Variants in PROS1 observed in about 807,000 individuals in gnomAD.
The protein encoded by PROS1 is vitamin K-dependent protein S.
Under a neutral mutation model 75.9 loss-of-function variants are expected in PROS1, and 29 were observed. The ratio of observed to expected loss-of-function variants is 0.38; its 90% CI spans 0.28 to 0.52. PROS1 has a LOEUF of 0.52. Ranked by LOEUF, PROS1 falls within the 20% of genes least tolerant of loss-of-function variation. The probability of loss-of-function intolerance (pLI) is 0.83; values close to 1 mark genes in which losing one functional copy is unlikely to be tolerated. For missense variants in PROS1, 680 were observed against 810.3 expected (o/e 0.84, Z 1.95); for synonymous variants, 245 against 280.6 (o/e 0.87, Z 1.27).
intron 1 of PROS1, among the ~76,000 whole-genome samples, chr3:93,941,387 C>G (rs563930635): frequency 6.6e-6 from 1 of 152,310 alleles, no homozygotes; most frequent in Non-Finnish European, 1.5e-5. Flanking sequence ...CCCTGCTGAT[C>G]ATGACCAACT....
At chr3:93,965,344 C>T (rs1236687551) in intron 1 of PROS1, among the ~76,000 whole-genome samples, 1 of 152,204 alleles carries the variant, frequency 6.6e-6, no homozygotes, top group African/African-American at 2.4e-5. Flanking sequence ...GAAGGGTGTC[C>T]GCTGTGCTCC....
At chr3:93,907,840 T>G (rs1395206880) in intron 4 of PROS1, among the ~76,000 whole-genome samples, 1 of 152,174 alleles carries the variant, frequency 6.6e-6, no homozygotes, top group Non-Finnish European at 1.5e-5. Flanking sequence ...TTCCATGAGG[T>G]AGACAGAACA....
At chr3:93,922,733 A>G (rs931751097) in intron 3 of PROS1, among the ~76,000 whole-genome samples, 3 of 152,222 alleles carry the variant, frequency 2.0e-5, no homozygotes, top group Non-Finnish European at 4.4e-5. Flanking sequence ...TATAGAATAT[A>G]CACATCAAAT....
chr3:93,958,029 A>C (rs1283523053), intron 1 of PROS1, among the ~76,000 whole-genome samples: 1 of 152,126 alleles, frequency 6.6e-6, no homozygotes, highest in East Asian at 1.9e-4. Flanking sequence ...CGGAGGTTGC[A>C]GTGAGCCGAG....
At chr3:93,934,948 A>G (rs1194665695) in intron 1 of PROS1, among the ~76,000 whole-genome samples, 2 of 152,058 alleles carry the variant, frequency 1.3e-5, no homozygotes, top group South Asian at 4.2e-4. Context: ...AAAAAAAAAA[A>G]GTCACTCTGG....
intron 3 of PROS1, 63 bp from the exon 4 acceptor site, chr3:93,910,768 G>A: frequency 3.7e-6 from 5 of 1,353,438 alleles, no homozygotes; most frequent in South Asian, 2.5e-5. Context: ...TGAATTCATG[G>A]TAGGAACTGT....
chr3:93,889,648 G>A (rs1293157736), intron 10 of PROS1, among the ~76,000 whole-genome samples: 2 of 152,134 alleles, frequency 1.3e-5, no homozygotes, highest in Middle Eastern at 3.2e-3. Context: ...TGGAGGGACT[G>A]GATGGAGCCA....
chr3:93,875,039 A>G (rs2107120888), intron 14 of PROS1, among the ~76,000 whole-genome samples: 1 of 152,034 alleles, frequency 6.6e-6, no homozygotes, highest in East Asian at 1.9e-4. Context: ...CTTATTCTTC[A>G]TCTTCAGTAC....
At chr3:93,936,129 G>T (rs1709179616) in intron 1 of PROS1, among the ~76,000 whole-genome samples, 2 of 149,498 alleles carry the variant, frequency 1.3e-5, no homozygotes, top group African/African-American at 4.9e-5. Flanking sequence ...ATATGTTGAA[G>T]CCCTAACACC....
intron 1 of PROS1, among the ~76,000 whole-genome samples, chr3:93,967,531 C>T (rs1381717349): frequency 2.6e-5 from 4 of 152,204 alleles, no homozygotes; most frequent in Non-Finnish European, 4.4e-5. Flanking sequence ...TAAGACACAA[C>T]ACTATCTTTC....
At chr3:93,927,206 G>C in intron 2 of PROS1, 44 bp downstream of exon 2, 2 of 1,608,922 alleles carry the variant, frequency 1.2e-6, no homozygotes, top group Non-Finnish European at 1.7e-6. Flanking sequence ...GTCTGTAGTT[G>C]TATGTCTAGA....
At chr3:93,928,990 G>A (rs1246677488) in intron 1 of PROS1, among the ~76,000 whole-genome samples, 2 of 152,150 alleles carry the variant, frequency 1.3e-5, no homozygotes, top group Non-Finnish European at 2.9e-5. Flanking sequence ...CTTGTACACT[G>A]GTAGTGGAGC....
intron 12 of PROS1, among the ~76,000 whole-genome samples, chr3:93,882,626 A>C (rs1186907248): frequency 6.6e-6 from 1 of 152,220 alleles, no homozygotes; most frequent in African/African-American, 2.4e-5. Flanking sequence ...AATTTAGGTA[A>C]AGATTTAAAC....
intron 10 of PROS1, among the ~76,000 whole-genome samples, chr3:93,886,801 C>T (rs1216935863): frequency 1.3e-5 from 2 of 151,800 alleles, no homozygotes; most frequent in Admixed American, 6.6e-5. Flanking sequence ...TTCCAGGCTG[C>T]TAGAAAATTA....
At chr3:93,913,022 A>T (rs927286044) in intron 3 of PROS1, among the ~76,000 whole-genome samples, 3 of 152,208 alleles carry the variant, frequency 2.0e-5, no homozygotes, top group Non-Finnish European at 4.4e-5. Flanking sequence ...CCCCACCGAA[A>T]AATCTCATCT....
chr3:93,956,763 C>T (rs1709610079), intron 1 of PROS1, among the ~76,000 whole-genome samples: 1 of 152,218 alleles, frequency 6.6e-6, no homozygotes, highest in Admixed American at 6.5e-5. Flanking sequence ...TACATCCACT[C>T]CATCCACTCC....
intron 1 of PROS1, among the ~76,000 whole-genome samples, chr3:93,952,491 C>T (rs541848549): frequency 4.6e-5 from 7 of 152,026 alleles, no homozygotes; most frequent in African/African-American, 7.2e-5. Context: ...GGGTACATAA[C>T]AAAATGAAGG....
At chr3:93,949,571 C>A (rs1188326056) in intron 1 of PROS1, among the ~76,000 whole-genome samples, 1 of 151,850 alleles carries the variant, frequency 6.6e-6, no homozygotes, top group African/African-American at 2.4e-5. Flanking sequence ...AAATTTAATA[C>A]TTTTAATATA....
chr3:93,955,715 T>TA (rs778579609), intron 1 of PROS1, among the ~76,000 whole-genome samples: 72 of 148,368 alleles, frequency 4.9e-4, no homozygotes, highest in South Asian at 2.7e-3. Flanking sequence ...CCCTAGAACT[T>TA]AAAGTATAAA....
Sources: gnomAD v4.1 joint callset for allele counts (sites outside exome capture counted in the v4.1 genomes callset) on GRCh38, gnomAD v4.1.1 for gene constraint, MANE v1.5 for transcripts, NCBI Gene and HGNC (gene_info 2026-07-23, HGNC 2026-07-21) for gene names.